Variants in XRN1 observed in about 807,000 individuals in gnomAD.
The protein encoded by XRN1 is strand-exchange protein 1 homolog.
XRN1 carries 67 observed loss-of-function variants against 222.3 expected under a neutral mutation model. The observed-to-expected ratio is 0.30, with a 90% CI of 0.25 to 0.37. XRN1 has a LOEUF of 0.37. Ranked by LOEUF, XRN1 falls within the 10% of genes least tolerant of loss-of-function variation. The pLI, the probability that XRN1 is intolerant of heterozygous loss-of-function variation, is 1.00. For missense variants in XRN1, 1,707 were observed against 2,000.2 expected (o/e 0.85, Z 2.80); for synonymous variants, 643 against 652.4 (o/e 0.99, Z 0.22).
At chr3:142,368,695 T>C (rs2066894017) in intron 27 of XRN1, among the ~76,000 whole-genome samples, 1 of 152,226 alleles carries the variant, frequency 6.6e-6, no homozygotes, top group Admixed American at 6.5e-5. Flanking sequence ...ATACAGGCTT[T>C]CTATCCTCAG....
chr3:142,420,705 A>T (rs1409984422), intron 10 of XRN1, among the ~76,000 whole-genome samples: 1 of 152,080 alleles, frequency 6.6e-6, no homozygotes. Flanking sequence ...GTTTTAAGTA[A>T]TTTTTTTAAA....
intron 2 of XRN1, among the ~76,000 whole-genome samples, chr3:142,427,727 A>C (rs1248053815): frequency 6.6e-6 from 1 of 152,252 alleles, no homozygotes; most frequent in South Asian, 2.1e-4. Context: ...TGAGTTTTAC[A>C]GTCAGGCAAA....
At chr3:142,325,279 A>T (rs1394332851) in intron 37 of XRN1, among the ~76,000 whole-genome samples, 1 of 152,124 alleles carries the variant, frequency 6.6e-6, no homozygotes, top group East Asian at 1.9e-4. Context: ...AATTGGAGAT[A>T]TATCATTGTA....
At chr3:142,425,830 TG>T (rs1284962939) in intron 3 of XRN1, among the ~76,000 whole-genome samples, 1 of 152,030 alleles carries the variant, frequency 6.6e-6, no homozygotes, top group Non-Finnish European at 1.5e-5. Flanking sequence ...GGAATTTTCA[TG>T]TAAGGGCAGA....
chr3:142,431,892 A>T (rs1360995117), intron 2 of XRN1, among the ~76,000 whole-genome samples: 2 of 28,888 alleles, frequency 6.9e-5, no homozygotes, highest in African/African-American at 3.3e-4. Flanking sequence ...TATTATATAT[A>T]ATATATATAT....
In XRN1 at chr3:142,324,915, G is replaced by T. The variant is rs181152076; in HGVS notation, c.4404+4519C>A. On this transcript the variant is annotated intron_variant, in intron 37 of 40. Transcript: ENST00000392981. ...TCTTCTTTTGAGAAGTGTATATCTT[G>T]AGAAGTGTGTATATATATACACACA... 1.7e-3 allele frequency among the ~76,000 whole-genome samples: 262 copies of T among 152,126 alleles called. 3 individuals are homozygous for T. Among genetic ancestry groups the T allele is most frequent in the African/African-American group, 5.9e-3 (246 of 41,522 alleles).
chr3:142,342,894 C>G (rs1406495288), intron 33 of XRN1, among the ~76,000 whole-genome samples: 1 of 152,128 alleles, frequency 6.6e-6, no homozygotes, highest in Non-Finnish European at 1.5e-5. Flanking sequence ...CCCACAAGCA[C>G]AGGCAACCAA....
At chr3:142,317,338 C>T (rs2065238965) in intron 39 of XRN1, among the ~76,000 whole-genome samples, 1 of 152,146 alleles carries the variant, frequency 6.6e-6, no homozygotes, top group South Asian at 2.1e-4. Flanking sequence ...CACTAAGTCT[C>T]TGTTCTTTCT....
chr3:142,414,122 T>C lies in XRN1; in HGVS notation c.1593+13A>G, dbSNP rs751985120. 2.5e-6 allele frequency: 4 copies of C among 1,604,894 alleles called. No individual in the cohort carries two copies. Among genetic ancestry groups the C allele is most frequent in the Non-Finnish European group, 3.4e-6 (4 of 1,176,062 alleles). On this transcript the variant is annotated intron_variant, in intron 14 of 40. Transcript: ENST00000392981. ...TCAAAAAGGACATAAAAACATTCAATTCTAAGACCCACCTGGTAGCATGCA... is the reference window on the plus strand; with the variant it reads ...TCAAAAAGGACATAAAAACATTCAACTCTAAGACCCACCTGGTAGCATGCA...
chr3:142,322,739 T>A (rs1211738400), intron 37 of XRN1, among the ~76,000 whole-genome samples: 44 of 151,936 alleles, frequency 2.9e-4, no homozygotes, highest in Admixed American at 2.9e-3. Flanking sequence ...GCACGGTGGC[T>A]CACACCTATA....
intron 29 of XRN1, among the ~76,000 whole-genome samples, chr3:142,360,692 G>A (rs1159599106): frequency 4.0e-5 from 6 of 151,090 alleles, no homozygotes; most frequent in African/African-American, 9.8e-5. Context: ...GTGAAACCCC[G>A]TCTCTACTAA....
chr3:142,321,803 A>T (rs2065364156), intron 37 of XRN1, among the ~76,000 whole-genome samples: 1 of 152,114 alleles, frequency 6.6e-6, no homozygotes, highest in South Asian at 2.1e-4. Context: ...AATACAACTG[A>T]TTTTTGTCAG....
chr3:142,336,221 T>C (rs1393684400), intron 33 of XRN1, among the ~76,000 whole-genome samples: 2 of 151,958 alleles, frequency 1.3e-5, no homozygotes, highest in African/African-American at 2.4e-5. Flanking sequence ...TGACAGAATA[T>C]GAAGATGAAA....
intron 32 of XRN1, among the ~76,000 whole-genome samples, chr3:142,353,437 T>C (rs1342375175): frequency 6.6e-6 from 1 of 152,186 alleles, no homozygotes. Flanking sequence ...TATATTACCA[T>C]GTATCTGCCA....
chr3:142,414,321 T>A, intron 13 of XRN1, 30 bp from the exon 14 acceptor site: 1 of 1,502,698 alleles, frequency 6.7e-7, no homozygotes, highest in African/African-American at 1.4e-5. Context: ...TTTAAACAAG[T>A]GGCATCTTTA....
intron 25 of XRN1, among the ~76,000 whole-genome samples, chr3:142,375,093 T>C (rs2067101887): frequency 6.6e-6 from 1 of 152,192 alleles, no homozygotes; most frequent in South Asian, 2.1e-4. Context: ...GGGACCATCA[T>C]TGTCCTGCAA....
chr3:142,447,801 T>A lies in XRN1; in HGVS notation c.75+69A>T. 2 of 1,568,020 alleles carry A rather than the reference T, an allele frequency of 1.3e-6. No individual in the cohort carries two copies. The highest frequency in any genetic ancestry group is 1.7e-6 in the Non-Finnish European group (2 of 1,144,186). ...AAAGAGGTGGCTCGAAAGCCCCAGC[T>A]CTAAGGTGGAGAGGGCCGCGGAGCC... On this transcript the variant is annotated intron_variant, in intron 1 of 40. Coordinates refer to ENST00000392981, the MANE Select transcript of XRN1 (RefSeq NM_001282857.2). This position sits in a 1 kb window ranked among gnomAD's most constrained non-coding sequence, Gnocchi z 4.2.
Position 142,332,822 on chromosome 3 carries a change from C to T in XRN1, c.4062+145G>A, listed in dbSNP as rs1366333601. 1.7e-5 allele frequency: 22 copies of T among 1,277,388 alleles called. No homozygotes were observed. In the East Asian group the frequency reaches 5.1e-4, roughly 30 times the overall value. The allele number at this position is 1,277,388 out of a possible 1,614,324, so 79.1% of individuals were successfully genotyped here. On this transcript the variant is annotated intron_variant, in intron 35 of 40. Transcript: ENST00000392981. ...AAAAGTATGGCTAAATTGCCCAGGG[C>T]AGCCTGGTTTCCTCACAAGATGACA...
chr3:142,384,593 T>C lies in XRN1; in HGVS notation c.2432A>G (p.Asn811Ser), dbSNP rs149743820. 35 of 1,613,196 alleles carry C rather than the reference T, an allele frequency of 2.2e-5. No individual in the cohort carries two copies. The African/African-American group carries it at 4.5e-4, about 21-fold the overall frequency. The part of the protein sequence containing the change: ...LTGRKYQINQ[N>S]GEVRLEKQWS... Reference sequence around the variant, plus strand: ...CTGTTTCTCTAGACGAACTTCACCATTTTGATTTATTTGATATTTACGACC... The same window carrying C: ...CTGTTTCTCTAGACGAACTTCACCACTTTGATTTATTTGATATTTACGACC... Residue 811 changes from asparagine (N) to serine (S), a missense_variant, in exon 21 of 41, where the codon AAT becomes AGT. Asn to Ser is a conservative substitution (Grantham distance 46, BLOSUM62 1). Transcript: ENST00000392981.
Sources: allele counts gnomAD v4.1 joint callset (sites outside exome capture counted in the v4.1 genomes callset), GRCh38; gene constraint gnomAD v4.1.1; non-coding constraint Gnocchi (gnomAD v3.1); transcripts MANE v1.5; gene names NCBI Gene and HGNC (gene_info 2026-07-23, HGNC 2026-07-21).